SSU72: variants seen among roughly 807,000 people sequenced by gnomAD.
The protein encoded by SSU72 is SSU72 homolog, RNA polymerase II CTD phosphatase.
A neutral mutation model predicts 22.7 loss-of-function variants in SSU72; 12 were observed. The ratio of observed to expected loss-of-function variants is 0.53; its 90% CI spans 0.34 to 0.86. SSU72 has a LOEUF of 0.86. SSU72 is among the 40% of genes least tolerant of loss of function. The pLI is 0.02. For synonymous variants in SSU72, 116 were observed against 98.3 expected, an observed-to-expected ratio of 1.18 and a Z score of -1.06; for missense variants, 151 against 249.8, an observed-to-expected ratio of 0.60 and a Z score of 2.67.
chr1:1,544,072 G>T, intron 3 of SSU72, 85 bp from the exon 4 acceptor site: 2 of 1,042,022 alleles, frequency 1.9e-6, no homozygotes, highest in East Asian at 2.4e-5. Flanking sequence ...CAGCTCTGCC[G>T]GCTGCAGGCC....
At chr1:1,549,550 AG>A (rs1642431737) in intron 2 of SSU72, among the ~76,000 whole-genome samples, 1 of 151,742 alleles carries the variant, frequency 6.6e-6, no homozygotes, top group Non-Finnish European at 1.5e-5. Flanking sequence ...AGAAAAAAAA[AG>A]GCTGCAGCCA....
At chr1:1,550,662 C>T (rs1000922212) in intron 2 of SSU72, among the ~76,000 whole-genome samples, 1 of 152,102 alleles carries the variant, frequency 6.6e-6, no homozygotes. Context: ...GCAGTGATCT[C>T]GCCTGGCAGA....
intron 2 of SSU72, among the ~76,000 whole-genome samples, chr1:1,560,527 C>A (rs1281881224): frequency 6.6e-6 from 1 of 152,230 alleles, no homozygotes; most frequent in Non-Finnish European, 1.5e-5. Context: ...GGCAGCAAGT[C>A]CCTCAACCCC....
At chr1:1,564,238 A>G (rs1642630936) in intron 2 of SSU72, 3 of 397,606 alleles carry the variant, frequency 7.5e-6, no homozygotes, top group Non-Finnish European at 1.4e-5. Context: ...CGGCAGACCT[A>G]GCCTGCTCTG....
At position 1,541,796 on chromosome 1, in the gene SSU72, CG is replaced by C. The variant is rs1455247976; in HGVS notation, c.*269del. On this transcript the variant is annotated 3_prime_UTR_variant, in exon 5 of 5. Coordinates refer to ENST00000291386, the MANE Select transcript of SSU72 (RefSeq NM_014188.3). ...CAGGCACACGAAGACACAGGTATGT[CG>C]GGAAGTGCACACAAACCGTTGTCTT... 3 of 446,104 alleles carry C rather than the reference CG, an allele frequency of 6.7e-6. No homozygotes were observed. Among genetic ancestry groups the C allele is most frequent in the South Asian group, 4.3e-5 (2 of 46,926 alleles). 27.6% of individuals were successfully genotyped at this position (446,104 alleles called of 1,614,324 possible).
chr1:1,549,583 A>C (rs1642431936), intron 2 of SSU72, among the ~76,000 whole-genome samples: 1 of 151,380 alleles, frequency 6.6e-6, no homozygotes, highest in South Asian at 2.1e-4. Context: ...TCACACCTAT[A>C]ATCCCACCAC....
Position 1,559,154 on chromosome 1 carries a change from G to A in SSU72, c.224+5619C>T, listed in dbSNP as rs181503217. On this transcript the variant is annotated intron_variant, in intron 2 of 4. Coordinates refer to ENST00000291386, the MANE Select transcript of SSU72 (RefSeq NM_014188.3). ...GAAAAGTCATGGCAAAGAAACCTGG[G>A]ACTTAGAAATAGTTCCACGCATGCT... is the stretch of plus-strand genomic sequence containing the variant. 5.3e-4 allele frequency among the ~76,000 whole-genome samples: 81 copies of A among 152,328 alleles called. 1 individual carries two copies. Among genetic ancestry groups the A allele is most frequent in the Admixed American group, 5.2e-3 (80 of 15,306 alleles).
intron 1 of SSU72, among the ~76,000 whole-genome samples, chr1:1,572,777 G>A (rs1375518956): frequency 6.8e-6 from 1 of 147,726 alleles, no homozygotes; most frequent in Non-Finnish European, 1.5e-5. Context: ...TTGTTATGCA[G>A]GTACAGCAGA....
chr1:1,564,033 G>A (rs1162682651), intron 2 of SSU72: 1 of 153,960 alleles, frequency 6.5e-6, no homozygotes, highest in African/African-American at 2.4e-5. Flanking sequence ...AATACGTTTG[G>A]CCTGGCCTCC....
chr1:1,547,846 C>T lies in SSU72; in HGVS notation c.225-2844G>A, dbSNP rs182951372. On this transcript the variant is annotated intron_variant, in intron 2 of 4. Coordinates refer to ENST00000291386, the MANE Select transcript of SSU72 (RefSeq NM_014188.3). The stretch of plus-strand genomic sequence containing the variant: ...CCGGGCGGGAGGAAGGGGAGAGAGG[C>T]GCCATCGGAACAGAAACCTGTCCCA... Among the ~76,000 whole-genome samples the T allele has an allele frequency of 3.1e-4, 47 of 152,332 alleles. No homozygotes were observed. The East Asian group carries it at 4.0e-3, about 13-fold the overall frequency.
intron 1 of SSU72, among the ~76,000 whole-genome samples, chr1:1,565,675 G>T (rs541238306): frequency 1.3e-5 from 2 of 151,618 alleles, no homozygotes; most frequent in African/African-American, 4.9e-5. Flanking sequence ...GAGTCCCACA[G>T]GCTCAGGGTT....
At chr1:1,563,989 T>G (rs1436355347) in intron 2 of SSU72, 1 of 152,706 alleles carries the variant, frequency 6.5e-6, no homozygotes, top group African/African-American at 2.4e-5. Context: ...AGATAAAAGG[T>G]TTAGCATTTG....
chr1:1,541,723 C>G lies in SSU72; in HGVS notation c.*343G>C. On this transcript the variant is annotated 3_prime_UTR_variant, in exon 5 of 5. Transcript: ENST00000291386. ...ATTCCAGGTCATTCCTAACACGCCG[C>G]AGCAGGGCTCTGTACAGTCCGGCCC... 1 of 269,496 alleles carries G rather than the reference C, an allele frequency of 3.7e-6. No individual in the cohort carries two copies. Among genetic ancestry groups the G allele is most frequent in the Non-Finnish European group, 7.2e-6 (1 of 137,972 alleles). 16.7% of individuals were successfully genotyped at this position (269,496 alleles called of 1,614,324 possible).
chr1:1,548,548 C>CT, intron 2 of SSU72, among the ~76,000 whole-genome samples: 1 of 137,892 alleles, frequency 7.3e-6, no homozygotes, highest in South Asian at 2.4e-4. Context: ...GAGCAAGACT[C>CT]TGTCTCAAAA....
At position 1,542,197 on chromosome 1, in the gene SSU72, T is replaced by C. The variant is rs780136424; in HGVS notation, c.484-30A>G. On this transcript the variant is annotated intron_variant, in intron 4 of 4. Transcript: ENST00000291386. The surrounding 1 kb of genome is among the most constrained non-coding windows in gnomAD (Gnocchi z 4.4). ...AAGGACAGGACCGTGGTGAGGGCCT[T>C]GCCCACTCCTGCCTGTCTGCTCCCC... is the stretch of plus-strand genomic sequence containing the variant. 6.5e-7 allele frequency: 1 copy of C among 1,548,430 alleles called. No homozygotes were observed.
At chr1:1,574,405 CA>C (rs1642781266) in intron 1 of SSU72, 72 bp downstream of exon 1, 14 of 1,493,756 alleles carry the variant, frequency 9.4e-6, no homozygotes, top group Non-Finnish European at 1.2e-5. Context: ...TGGCGCGGGC[CA>C]GGGGGAACCG....
intron 2 of SSU72, among the ~76,000 whole-genome samples, chr1:1,560,163 T>C (rs1463026702): frequency 6.6e-6 from 1 of 152,092 alleles, no homozygotes; most frequent in Non-Finnish European, 1.5e-5. Flanking sequence ...CATGTATGTA[T>C]ACTATTAATT....
At chr1:1,547,307 T>C (rs1348500814) in intron 2 of SSU72, among the ~76,000 whole-genome samples, 1 of 152,252 alleles carries the variant, frequency 6.6e-6, no homozygotes, top group African/African-American at 2.4e-5. Flanking sequence ...CCCTGAGGCC[T>C]GGACAGTTCT....
Position 1,542,515 on chromosome 1 carries a change from ACAC to A in SSU72, c.484-351_484-349del, listed in dbSNP as rs1557493176. On this transcript the variant is annotated intron_variant, in intron 4 of 4. Transcript: ENST00000291386. The surrounding 1 kb of genome is among the most constrained non-coding windows in gnomAD (Gnocchi z 4.4). ...ACCAACCCTCACCGCCAGCGCTTCCACACCACCAACAAGCGAGCGGGGGCAGCC... is the reference window on the plus strand; with the variant it reads ...ACCAACCCTCACCGCCAGCGCTTCCACACCAACAAGCGAGCGGGGGCAGCC... Among the ~76,000 whole-genome samples the A allele has an allele frequency of 6.6e-6, 1 of 152,062 alleles. No individual in the cohort carries two copies. Among genetic ancestry groups the A allele is most frequent in the Non-Finnish European group, 1.5e-5 (1 of 67,980 alleles).
Sources: gnomAD v4.1 joint callset for allele counts (sites outside exome capture counted in the v4.1 genomes callset) on GRCh38, gnomAD v4.1.1 for gene constraint, Gnocchi (gnomAD v3.1) non-coding constraint, MANE v1.5 for transcripts, NCBI Gene and HGNC (gene_info 2026-07-23, HGNC 2026-07-21) for gene names.